OPRM1: variants seen among roughly 807,000 people sequenced by gnomAD.
OPRM1 encodes the protein opioid receptor mu 1, also known as mu-type opioid receptor.
OPRM1 carries 27 observed loss-of-function variants against 31.8 expected under a neutral mutation model. The ratio of observed to expected loss-of-function variants is 0.85; its 90% confidence interval spans 0.63 to 1.17. The LOEUF is 1.17. Among genes scored for constraint, OPRM1 ranks in the 50% most tolerant of loss-of-function variants. OPRM1 has a pLI of 0.00. For synonymous variants in OPRM1, 196 were observed against 189.9 expected (o/e 1.03, Z -0.26); for missense variants, 536 against 511.1 (o/e 1.05, Z -0.47).
rs1194611151 is a variant in OPRM1 at position 154,127,030 on chromosome 6, A to G, written c.*8309A>G. On this transcript the variant is annotated 3_prime_UTR_variant, in exon 4 of 4. Transcript: ENST00000330432. ...AGGCTGAGGCAGGAGAATTGCTTGA[A>G]CTGGGGAGGCGGAAGTTGCAGTGAG... is the stretch of plus-strand genomic sequence containing the variant. Among the ~76,000 whole-genome samples, 1 of 151,488 alleles carries G rather than the reference A, an allele frequency of 6.6e-6. No individual in the cohort carries two copies. Among genetic ancestry groups the G allele is most frequent in the Non-Finnish European group, 1.5e-5 (1 of 67,930 alleles).
At chr6:154,047,821 C>T (rs1478974768) in intron 1 of OPRM1, among the ~76,000 whole-genome samples, 1 of 152,144 alleles carries the variant, frequency 6.6e-6, no homozygotes, top group Non-Finnish European at 1.5e-5. Context: ...GTACCATAGC[C>T]TGGGTGGCTT....
intron 3 of OPRM1, among the ~76,000 whole-genome samples, chr6:154,104,182 T>C (rs1186907193): frequency 6.6e-6 from 1 of 152,198 alleles, no homozygotes; most frequent in Non-Finnish European, 1.5e-5. Context: ...AGAGAGAAGC[T>C]CAGTCAGAAA....
At chr6:154,241,253 AAGAG>A (rs931432115) in intron 3 of OPRM1, among the ~76,000 whole-genome samples, 95 of 150,780 alleles carry the variant, frequency 6.3e-4, no homozygotes, top group African/African-American at 2.2e-3. Flanking sequence ...AAAAAAAAAA[AAGAG>A]AGAGAGAGAA....
At chr6:154,090,762 A>G (rs1428631095) in intron 2 of OPRM1, among the ~76,000 whole-genome samples, 190 bp from the exon 3 acceptor site, 1 of 152,240 alleles carries the variant, frequency 6.6e-6, no homozygotes, top group Non-Finnish European at 1.5e-5. Context: ...ATTTAGAAAA[A>G]AACAAAAAAC....
chr6:154,102,828 G>A (rs1010658322), intron 3 of OPRM1, among the ~76,000 whole-genome samples: 20 of 151,408 alleles, frequency 1.3e-4, no homozygotes, highest in African/African-American at 4.6e-4. Flanking sequence ...TGAGAAAATT[G>A]GAACCAAACC....
intron 3 of OPRM1, 164 bp downstream of exon 3, chr6:154,091,636 G>T: frequency 7.0e-7 from 1 of 1,418,680 alleles, no homozygotes; most frequent in Non-Finnish European, 9.2e-7. Flanking sequence ...TATATAAACT[G>T]TGTTCTTTAT....
intron 3 of OPRM1, among the ~76,000 whole-genome samples, chr6:154,152,902 ATT>A (rs34724351): frequency 0.56 from 80,155 of 143,796 alleles, 22,330 homozygotes; most frequent in African/African-American, 0.65. Flanking sequence ...ACACCTAGCT[ATT>A]TTTTTTTTTT....
intron 3 of OPRM1, among the ~76,000 whole-genome samples, chr6:154,200,622 G>T (rs1237833376): frequency 6.6e-6 from 1 of 152,146 alleles, no homozygotes; most frequent in East Asian, 1.9e-4. Flanking sequence ...TCAGGAGACT[G>T]AGGCAGGAGA....
intron 1 of OPRM1, among the ~76,000 whole-genome samples, chr6:154,028,618 G>A (rs1778835770): frequency 6.6e-6 from 1 of 152,210 alleles, no homozygotes. Context: ...GAGGCTTGCA[G>A]GAACTCAAGT....
At chr6:154,211,865 T>C (rs1005406741) in intron 3 of OPRM1, among the ~76,000 whole-genome samples, 1 of 151,928 alleles carries the variant, frequency 6.6e-6, no homozygotes, top group Non-Finnish European at 1.5e-5. Context: ...AATTAAGAAA[T>C]CCTATCATTC....
intron 3 of OPRM1, among the ~76,000 whole-genome samples, chr6:154,234,266 G>T (rs545681187): frequency 6.6e-6 from 1 of 152,064 alleles, no homozygotes; most frequent in African/African-American, 2.4e-5. Context: ...AAAACTCTGC[G>T]GTACATGTTT....
At chr6:154,088,017 G>A (rs927739610) in intron 1 of OPRM1, among the ~76,000 whole-genome samples, 1 of 151,806 alleles carries the variant, frequency 6.6e-6, no homozygotes. Context: ...GCACATGAAT[G>A]TTCGTAACAG....
intron 3 of OPRM1, among the ~76,000 whole-genome samples, chr6:154,211,618 C>A (rs1014021724): frequency 6.6e-6 from 1 of 152,034 alleles, no homozygotes; most frequent in African/African-American, 2.4e-5. Flanking sequence ...GAAAAAAAGG[C>A]ACTCACCACA....
intron 3 of OPRM1, among the ~76,000 whole-genome samples, chr6:154,150,702 T>C (rs2128541327): frequency 6.6e-6 from 1 of 152,322 alleles, no homozygotes; most frequent in Admixed American, 6.5e-5. Flanking sequence ...ATTCCAAGTC[T>C]CAAAGCCTTG....
chr6:154,041,784 A>AT (rs149342442), intron 1 of OPRM1, among the ~76,000 whole-genome samples: 8,882 of 152,284 alleles, frequency 0.058, 837 homozygotes, highest in African/African-American at 0.2. Flanking sequence ...TGAAACAAAA[A>AT]TACCAAAGCA....
intron 3 of OPRM1, among the ~76,000 whole-genome samples, chr6:154,114,883 AAAAAAAC>A (rs1222733618): frequency 6.6e-6 from 1 of 151,978 alleles, no homozygotes; most frequent in African/African-American, 2.4e-5. Context: ...AATTAAAAAA[AAAAAAAC>A]AAAAAACTTG....
At chr6:154,147,945 T>C (rs904287517) in intron 3 of OPRM1, among the ~76,000 whole-genome samples, 4 of 152,222 alleles carry the variant, frequency 2.6e-5, no homozygotes, top group African/African-American at 7.2e-5. Context: ...CAGTTTTTTA[T>C]AAAGTATGGC....
intron 3 of OPRM1, chr6:154,108,031 A>G (rs764796567): frequency 1.5e-6 from 1 of 658,882 alleles, no homozygotes; most frequent in South Asian, 1.8e-5. Flanking sequence ...AAGAAGACAG[A>G]AATCTGACTG....
intron 3 of OPRM1, among the ~76,000 whole-genome samples, chr6:154,095,369 G>A (rs1793179282): frequency 6.6e-6 from 1 of 152,208 alleles, no homozygotes; most frequent in Non-Finnish European, 1.5e-5. Flanking sequence ...TTGAATAAAT[G>A]ATGAGAGGGC....
Sources: allele counts gnomAD v4.1 joint callset (sites outside exome capture counted in the v4.1 genomes callset), GRCh38; gene constraint gnomAD v4.1.1; transcripts MANE v1.5; gene names NCBI Gene and HGNC (gene_info 2026-07-23, HGNC 2026-07-21).